Variants in EPM2A observed in about 807,000 individuals in gnomAD.
EPM2A encodes EPM2A glucan phosphatase, laforin.
EPM2A carries 21 observed loss-of-function variants against 26.5 expected under a neutral mutation model. The ratio of observed to expected loss-of-function variants is 0.79; its 90% CI spans 0.56 to 1.14. The LOEUF (loss-of-function observed/expected upper bound fraction) is 1.14, where lower values mean the gene tolerates loss of function less well. Among genes scored for constraint, EPM2A ranks in the 50% most tolerant of loss-of-function variants. EPM2A has a pLI of 0.00. For missense variants in EPM2A, 458 were observed against 440.8 expected, an observed-to-expected ratio of 1.04 and a Z score of -0.35; for synonymous variants, 217 against 177.6, an observed-to-expected ratio of 1.22 and a Z score of -1.76.
chr6:145,542,037 A>G (rs151157958), intron 2 of EPM2A, among the ~76,000 whole-genome samples: 27 of 152,312 alleles, frequency 1.8e-4, no homozygotes, highest in African/African-American at 6.0e-4. Flanking sequence ...TTGGAGACCA[A>G]TGTGCAATTA....
chr6:145,506,743 G>A (rs942276867), intron 2 of EPM2A, among the ~76,000 whole-genome samples: 7 of 152,278 alleles, frequency 4.6e-5, no homozygotes, highest in Admixed American at 2.0e-4. Context: ...CCTAGAGGGC[G>A]TGGCCCAGTC....
At chr6:145,724,644 T>C (rs1156551027) in intron 1 of EPM2A, among the ~76,000 whole-genome samples, 1 of 152,122 alleles carries the variant, frequency 6.6e-6, no homozygotes, top group Non-Finnish European at 1.5e-5. Flanking sequence ...AGTGTGATAC[T>C]GGTTTCAAAA....
At chr6:145,489,832 G>A in intron 4 of EPM2A, 1 of 1,448,874 alleles carries the variant, frequency 6.9e-7, no homozygotes, top group Non-Finnish European at 9.7e-7. Context: ...TAGAAGTTCA[G>A]TTTGTACTTC....
At chr6:145,646,254 T>G (rs772129258) in intron 2 of EPM2A, among the ~76,000 whole-genome samples, 7 of 152,088 alleles carry the variant, frequency 4.6e-5, no homozygotes, top group Non-Finnish European at 1.0e-4. Context: ...CCTCCTGAAT[T>G]TAAACAATTC....
intron 2 of EPM2A, among the ~76,000 whole-genome samples, chr6:145,641,699 A>T (rs1777096727): frequency 6.6e-6 from 1 of 152,122 alleles, no homozygotes; most frequent in African/African-American, 2.4e-5. Context: ...CTAGCATTTG[A>T]TGGTAGTTCC....
intron 4 of EPM2A, among the ~76,000 whole-genome samples, chr6:145,434,134 C>T (rs908082318): frequency 1.9e-4 from 29 of 151,988 alleles, no homozygotes; most frequent in African/African-American, 6.0e-4. Context: ...GTCATTTCAC[C>T]GGCTTCTGAC....
chr6:145,388,067 T>C (rs920689825), intron 4 of EPM2A, among the ~76,000 whole-genome samples: 8 of 152,210 alleles, frequency 5.3e-5, no homozygotes, highest in Admixed American at 4.6e-4. Flanking sequence ...CAATTAAACA[T>C]ACATTTTTTA....
chr6:145,586,095 G>C (rs1255607269), intron 2 of EPM2A, among the ~76,000 whole-genome samples: 1 of 152,126 alleles, frequency 6.6e-6, no homozygotes, highest in Non-Finnish European at 1.5e-5. Context: ...AACTCAAGGA[G>C]TCTCCTAGGC....
At chr6:145,457,287 G>A (rs997452612) in intron 4 of EPM2A, among the ~76,000 whole-genome samples, 2 of 151,672 alleles carry the variant, frequency 1.3e-5, no homozygotes, top group African/African-American at 4.8e-5. Context: ...TTGAGGTTGG[G>A]AGCCAGGCCA....
intron 1 of EPM2A, among the ~76,000 whole-genome samples, chr6:145,711,239 G>C (rs1448878818): frequency 1.3e-5 from 2 of 152,082 alleles, no homozygotes; most frequent in Non-Finnish European, 2.9e-5. Context: ...TGTATTCCCT[G>C]GCCAATCCCA....
intron 4 of EPM2A, among the ~76,000 whole-genome samples, chr6:145,403,860 T>C (rs1460941290): frequency 6.6e-6 from 1 of 152,190 alleles, no homozygotes; most frequent in Non-Finnish European, 1.5e-5. Flanking sequence ...CTAGTGGTTG[T>C]ACTAATTTAC....
chr6:145,523,878 GACCCA>G (rs1780235876), intron 2 of EPM2A, among the ~76,000 whole-genome samples: 2 of 151,908 alleles, frequency 1.3e-5, no homozygotes, highest in African/African-American at 4.8e-5. Flanking sequence ...ATGATCTTAT[GACCCA>G]GGTAGTGAGC....
chr6:145,566,312 T>C (rs1780883412), intron 2 of EPM2A, among the ~76,000 whole-genome samples: 3 of 152,224 alleles, frequency 2.0e-5, no homozygotes, highest in African/African-American at 7.2e-5. Flanking sequence ...TTATATTCCA[T>C]TCCTTTCTCA....
At chr6:145,533,544 C>G (rs1780390673) in intron 2 of EPM2A, among the ~76,000 whole-genome samples, 1 of 152,178 alleles carries the variant, frequency 6.6e-6, no homozygotes, top group Non-Finnish European at 1.5e-5. Context: ...GCCTCCATCC[C>G]CTACCCCATG....
intron 2 of EPM2A, among the ~76,000 whole-genome samples, chr6:145,518,773 C>T (rs1172555123): frequency 6.6e-6 from 1 of 152,126 alleles, no homozygotes; most frequent in Non-Finnish European, 1.5e-5. Context: ...CTGCCCCTTA[C>T]TATCAAACAC....
chr6:145,400,552 A>G (rs1465026087), intron 4 of EPM2A, among the ~76,000 whole-genome samples: 1 of 152,128 alleles, frequency 6.6e-6, no homozygotes, highest in African/African-American at 2.4e-5. Flanking sequence ...ACCACTGACT[A>G]TGGAGTGGTT....
chr6:145,398,982 C>A (rs1436297894), intron 4 of EPM2A, among the ~76,000 whole-genome samples: 3 of 152,060 alleles, frequency 2.0e-5, no homozygotes, highest in Non-Finnish European at 4.4e-5. Flanking sequence ...AATATTACCA[C>A]CCCCTTTTTA....
At chr6:145,422,936 G>C (rs1778808520) in intron 4 of EPM2A, among the ~76,000 whole-genome samples, 1 of 151,586 alleles carries the variant, frequency 6.6e-6, no homozygotes, top group South Asian at 2.1e-4. Context: ...AAAATATTTA[G>C]CCTTGCTTAT....
At chr6:145,716,265 T>C (rs1458026626) in intron 1 of EPM2A, among the ~76,000 whole-genome samples, 1 of 152,174 alleles carries the variant, frequency 6.6e-6, no homozygotes, top group African/African-American at 2.4e-5. Flanking sequence ...CACTGAACTG[T>C]GCACTTTAAA....
Sources: gnomAD v4.1 joint callset for allele counts (sites outside exome capture counted in the v4.1 genomes callset) on GRCh38, gnomAD v4.1.1 for gene constraint, MANE v1.5 for transcripts, NCBI Gene and HGNC (gene_info 2026-07-23, HGNC 2026-07-21) for gene names.